SKP1: variants seen among roughly 807,000 people sequenced by gnomAD.
The protein encoded by SKP1 is S-phase kinase associated protein 1.
Under a neutral mutation model 21.5 loss-of-function variants are expected in SKP1, and 1 was observed. The observed-to-expected ratio is 0.05, with a 90% confidence interval of 0.02 to 0.22. The LOEUF is 0.22. Ranked by LOEUF, SKP1 falls within the 10% of genes least tolerant of loss-of-function variation. The probability of loss-of-function intolerance (pLI) is 1.00; values close to 1 mark genes in which losing one functional copy is unlikely to be tolerated. For synonymous variants in SKP1, 59 were observed against 59.3 expected, an observed-to-expected ratio of 0.99 and a Z score of 0.03; for missense variants, 70 against 192.0, an observed-to-expected ratio of 0.36 and a Z score of 3.76.
At position 134,149,772 on chromosome 5, in the gene SKP1, A is replaced by T. The variant is rs1761015168; in HGVS notation, c.*7961T>A. 1 of 152,208 alleles carries T rather than the reference A, an allele frequency of 6.6e-6. No individual in the cohort carries two copies. Among genetic ancestry groups the T allele is most frequent in the Non-Finnish European group, 1.5e-5 (1 of 68,050 alleles). The allele number at this position is 152,208 out of a possible 1,614,324, so 9.4% of individuals were successfully genotyped here. A position where few individuals can be genotyped will look rare whatever the true frequency, so the allele number is the denominator to read the frequency against. On this transcript the variant is annotated 3_prime_UTR_variant, in exon 6 of 6. Coordinates refer to ENST00000353411, the MANE Select transcript of SKP1 (RefSeq NM_170679.3). ...TCTGATTTGGTGTCTCACTTAGAGTACACAGGGTACCTGAACAATGCAGTC... is the reference window on the plus strand; with the variant it reads ...TCTGATTTGGTGTCTCACTTAGAGTTCACAGGGTACCTGAACAATGCAGTC...
At chr5:134,157,837 T>C (rs1216272809) in intron 5 of SKP1, 69 bp from the exon 6 acceptor site, 2 of 1,611,992 alleles carry the variant, frequency 1.2e-6, no homozygotes, top group Non-Finnish European at 1.7e-6. Flanking sequence ...AAATACTACC[T>C]ACTGATTCAT....
At chr5:134,158,425 T>C (rs1190741045) in intron 5 of SKP1, 30 bp downstream of exon 5, 1 of 1,613,924 alleles carries the variant, frequency 6.2e-7, no homozygotes, top group Admixed American at 1.7e-5. Context: ...TAAGAGCATG[T>C]GATCAAAGAC....
intron 1 of SKP1, among the ~76,000 whole-genome samples, chr5:134,176,406 A>G (rs145212151): frequency 1.3e-5 from 2 of 152,180 alleles, no homozygotes; most frequent in East Asian, 1.9e-4. Flanking sequence ...CCCGACCACA[A>G]CAAAAGCCAG....
intron 3 of SKP1, 145 bp downstream of exon 3, chr5:134,167,025 A>C: frequency 1.7e-6 from 1 of 595,976 alleles, no homozygotes; most frequent in South Asian, 2.2e-5. Context: ...AACATCACTC[A>C]AGTAAGTGTT....
chr5:134,171,029 T>C (rs1456988415), intron 2 of SKP1: 1 of 456,264 alleles, frequency 2.2e-6, no homozygotes, highest in Admixed American at 2.3e-5. Context: ...AGGTACTTGA[T>C]GAACAGTGAC....
chr5:134,166,278 G>T (rs1761329263), intron 3 of SKP1, among the ~76,000 whole-genome samples: 1 of 151,100 alleles, frequency 6.6e-6, no homozygotes, highest in South Asian at 2.1e-4. Flanking sequence ...TGTATAGTTT[G>T]CTACCTTAAG....
chr5:134,161,858 T>G (rs1761226514), intron 3 of SKP1: 3 of 152,236 alleles, frequency 2.0e-5, no homozygotes, highest in Admixed American at 1.3e-4. Flanking sequence ...GCTGATTACT[T>G]AGACTATACA....
At position 134,158,552 on chromosome 5, in the gene SKP1, C is replaced by T. The variant is rs1761161136; in HGVS notation, c.359G>A (p.Cys120Tyr). ...CTTGATCATATTGGCAACAGTCTTG[C>T]ATGTAACATCAAGCAAACCTTTGAT... is the stretch of plus-strand genomic sequence containing the variant. ...LDIKGLLDVTCKTVANMIKGK... is the reference protein window; with the variant it reads ...LDIKGLLDVTYKTVANMIKGK... Residue 120 changes from cysteine to tyrosine, a missense_variant, in exon 5 of 6, where the codon TGC (cysteine) becomes TAC (tyrosine). Transcript: ENST00000353411. The T allele has an allele frequency of 6.2e-7, 1 of 1,613,542 alleles. No homozygotes were observed. The highest frequency in any genetic ancestry group is 8.5e-7 in the Non-Finnish European group (1 of 1,179,602).
rs1014332021 is a variant in SKP1, at chr5:134,151,462, G to A, written c.*6271C>T. ...AAAGCAACTGAAGAAGGCAGTTAGA[G>A]GTTGTGAAATGGTACATTCAGGAAA... On this transcript the variant is annotated 3_prime_UTR_variant, in exon 6 of 6. Coordinates refer to ENST00000353411, the MANE Select transcript of SKP1 (RefSeq NM_170679.3). The A allele has an allele frequency of 1.3e-5, 4 of 296,884 alleles. No individual in the cohort carries two copies. Among genetic ancestry groups the A allele is most frequent in the African/African-American group, 8.7e-5 (4 of 46,128 alleles). 18.4% of individuals were successfully genotyped at this position (296,884 alleles called of 1,614,324 possible). A position where few individuals can be genotyped will look rare whatever the true frequency, so the allele number is the denominator to read the frequency against.
Position 134,161,098 on chromosome 5 carries a change from G to A in SKP1, c.204C>T (p.Asp68=). The change falls in exon 4 of 6, where the codon GAC becomes GAT. Residue 68 remains aspartate, a synonymous_variant. Transcript: ENST00000353411. ...TCTCATCATCTTCAGGAGGAGGAGGGTCATCCTTGTGGTGGGTGCACCACT... is the reference window on the plus strand; with the variant it reads ...TCTCATCATCTTCAGGAGGAGGAGGATCATCCTTGTGGTGGGTGCACCACT... ...VIQWCTHHKD[D]PPPPEDDENK... is the part of the protein sequence containing the mutation. 5 of 1,613,316 alleles carry A rather than the reference G, an allele frequency of 3.1e-6. No individual in the cohort carries two copies. Among genetic ancestry groups the A allele is most frequent in the Non-Finnish European group, 4.2e-6 (5 of 1,179,414 alleles).
At chr5:134,169,008 T>A (rs923260277) in intron 2 of SKP1, among the ~76,000 whole-genome samples, 4 of 152,018 alleles carry the variant, frequency 2.6e-5, no homozygotes, top group Non-Finnish European at 5.9e-5. Context: ...TGTGTAGAGA[T>A]ATAGCGAAGA....
chr5:134,161,470 A>G (rs1357696053), intron 3 of SKP1: 1 of 170,988 alleles, frequency 5.8e-6, no homozygotes, highest in Non-Finnish European at 1.2e-5. Flanking sequence ...TTCAAAAATC[A>G]TTAAAGAGAA....
At chr5:134,167,543 GAC>G (rs1491225958) in intron 2 of SKP1, among the ~76,000 whole-genome samples, 2 of 149,346 alleles carry the variant, frequency 1.3e-5, no homozygotes, top group African/African-American at 4.9e-5. Context: ...TTTTTTTTGA[GAC>G]AGATTCTTGC....
At position 134,150,647 on chromosome 5, in the gene SKP1, G is replaced by T. The variant is rs1254684170; in HGVS notation, c.*7086C>A. The T allele has an allele frequency of 6.6e-6, 1 of 152,074 alleles. No individual in the cohort carries two copies. Among genetic ancestry groups the T allele is most frequent in the Non-Finnish European group, 1.5e-5 (1 of 68,026 alleles). 9.4% of individuals were successfully genotyped at this position (152,074 alleles called of 1,614,324 possible). A position where few individuals can be genotyped will look rare whatever the true frequency, so the allele number is the denominator to read the frequency against. ...TCAGAGCATTTTTTAAGCTCTTCAGGGCTTTAAGAGTTCACCAAGGGTTTC... is the reference window on the plus strand; with the variant it reads ...TCAGAGCATTTTTTAAGCTCTTCAGTGCTTTAAGAGTTCACCAAGGGTTTC... On this transcript the variant is annotated 3_prime_UTR_variant, in exon 6 of 6. Coordinates refer to ENST00000353411, the MANE Select transcript of SKP1 (RefSeq NM_170679.3).
Position 134,157,673 on chromosome 5 carries a change from G to A in SKP1, c.*60C>T. Reference sequence around the variant, plus strand: ...TGTCTAATATTAACAATTATAAACAGAGCAGTGCAACTAGTATTTGGAACA... The same window carrying A: ...TGTCTAATATTAACAATTATAAACAAAGCAGTGCAACTAGTATTTGGAACA... On this transcript the variant is annotated 3_prime_UTR_variant, in exon 6 of 6. Transcript: ENST00000353411. The A allele has an allele frequency of 3.1e-6, 4 of 1,292,204 alleles. No homozygotes were observed. Among genetic ancestry groups the A allele is most frequent in the Non-Finnish European group, 1.1e-6 (1 of 887,878 alleles). 80.0% of individuals were successfully genotyped at this position (1,292,204 alleles called of 1,614,324 possible).
chr5:134,166,558 C>T (rs1389162291), intron 3 of SKP1, among the ~76,000 whole-genome samples: 16 of 110,986 alleles, frequency 1.4e-4, no homozygotes, highest in Admixed American at 1.4e-4. Flanking sequence ...TCCAACCTGG[C>T]GACAGAGCAA....
rs917181995 is a variant in SKP1, at chr5:134,153,601, T to C, written c.*4132A>G. 1 of 152,206 alleles carries C rather than the reference T, an allele frequency of 6.6e-6. No homozygotes were observed. The highest frequency in any genetic ancestry group is 1.5e-5 in the Non-Finnish European group (1 of 68,048). 9.4% of individuals were successfully genotyped at this position (152,206 alleles called of 1,614,324 possible). A position where few individuals can be genotyped will look rare whatever the true frequency, so the allele number is the denominator to read the frequency against. On this transcript the variant is annotated 3_prime_UTR_variant, in exon 6 of 6. Coordinates refer to ENST00000353411, the MANE Select transcript of SKP1 (RefSeq NM_170679.3). ...AAAGCTAATGGTGGCAAGCAAAAGT[T>C]AAGCTTGTAAAGGGTGCTGAGAGCA... is the stretch of plus-strand genomic sequence containing the variant.
At chr5:134,170,706 AAAG>A (rs1459131712) in intron 2 of SKP1, among the ~76,000 whole-genome samples, 1 of 152,230 alleles carries the variant, frequency 6.6e-6, no homozygotes, top group Non-Finnish European at 1.5e-5. Context: ...CAACAGAGTA[AAAG>A]AATAACTTAA....
At chr5:134,158,704 G>C in intron 4 of SKP1, 109 bp from the exon 5 acceptor site, 1 of 937,200 alleles carries the variant, frequency 1.1e-6, no homozygotes, top group Non-Finnish European at 1.7e-6. Context: ...CTAATTTTAA[G>C]AAATTAAAGG....
Sources: allele counts gnomAD v4.1 joint callset (sites outside exome capture counted in the v4.1 genomes callset), GRCh38; gene constraint gnomAD v4.1.1; transcripts MANE v1.5; gene names NCBI Gene and HGNC (gene_info 2026-07-23, HGNC 2026-07-21).